LINGO2: variants seen among roughly 807,000 people sequenced by gnomAD.
LINGO2 encodes the protein leucine-rich repeat and immunoglobulin-like domain-containing nogo receptor-interacting protein 2.
In LINGO2, 14 loss-of-function variants were observed where a neutral mutation model predicts 30.6. The observed-to-expected ratio is 0.46, with a 90% CI of 0.30 to 0.72. The LOEUF (loss-of-function observed/expected upper bound fraction) is 0.72, where lower values mean the gene tolerates loss of function less well. Among genes scored for constraint, LINGO2 ranks in the 30% least tolerant of loss-of-function variants. The pLI is 0.07. For missense variants in LINGO2, 729 were observed against 751.7 expected (o/e 0.97, Z 0.35); for synonymous variants, 317 against 288.5 (o/e 1.10, Z -1.00).
At chr9:28,503,189 G>T (rs1203788400) in intron 1 of LINGO2, among the ~76,000 whole-genome samples, 3 of 151,954 alleles carry the variant, frequency 2.0e-5, no homozygotes, top group Admixed American at 2.0e-4. Context: ...CCACTATGAA[G>T]CAGCTCTGAT....
chr9:28,700,535 C>T, the LINGO2 span, among the ~76,000 whole-genome samples: 1 of 151,952 alleles, frequency 6.6e-6, no homozygotes, highest in Non-Finnish European at 1.5e-5. Context: ...CATCCATACA[C>T]TGAAGGACAT....
At chr9:28,275,220 C>A (rs865851998) in intron 4 of LINGO2, among the ~76,000 whole-genome samples, 1 of 152,084 alleles carries the variant, frequency 6.6e-6, no homozygotes, top group Non-Finnish European at 1.5e-5. Context: ...AGGCACCCGC[C>A]ACCACGCTTG....
chr9:28,633,762 C>G (rs1327733514), intron 1 of LINGO2, among the ~76,000 whole-genome samples: 1 of 152,202 alleles, frequency 6.6e-6, no homozygotes, highest in East Asian at 1.9e-4. Context: ...AGCCTAACAT[C>G]TCACCTAGGA....
chr9:28,915,017 A>C, the LINGO2 span, among the ~76,000 whole-genome samples: 1 of 152,216 alleles, frequency 6.6e-6, no homozygotes, highest in Non-Finnish European at 1.5e-5. Flanking sequence ...CTGTAGTCCC[A>C]GCTACTTGGG....
intron 3 of LINGO2, among the ~76,000 whole-genome samples, chr9:28,340,563 C>CA (rs936113825): frequency 1.3e-3 from 196 of 151,160 alleles, no homozygotes; most frequent in African/African-American, 3.8e-3. Context: ...AATCTATTAG[C>CA]AAAAAAAAGA....
the LINGO2 span, among the ~76,000 whole-genome samples, chr9:29,008,537 C>G: frequency 6.6e-6 from 1 of 152,124 alleles, no homozygotes; most frequent in Non-Finnish European, 1.5e-5. Context: ...CTTTACAGTC[C>G]CACCAACAAT....
chr9:28,412,069 T>G (rs775276093), intron 2 of LINGO2, among the ~76,000 whole-genome samples: 49 of 151,756 alleles, frequency 3.2e-4, no homozygotes, highest in Non-Finnish European at 6.3e-4. Context: ...ACCCAACAAG[T>G]AGTTTTTCAT....
chr9:28,632,122 T>C (rs532446073), intron 1 of LINGO2, among the ~76,000 whole-genome samples: 27 of 152,048 alleles, frequency 1.8e-4, no homozygotes, highest in Non-Finnish European at 3.7e-4. Flanking sequence ...GGTGTCTTAA[T>C]AGGAGTTAAT....
At chr9:29,026,328 T>C in the LINGO2 span, among the ~76,000 whole-genome samples, 2 of 152,136 alleles carry the variant, frequency 1.3e-5, no homozygotes, top group East Asian at 3.9e-4. Flanking sequence ...TTGACCATGA[T>C]GAGTTGCTTA....
the LINGO2 span, among the ~76,000 whole-genome samples, chr9:29,081,153 T>A: frequency 6.6e-6 from 1 of 152,060 alleles, no homozygotes; most frequent in South Asian, 2.1e-4. Context: ...ATATCCCTGA[T>A]GAACATCGAT....
At chr9:28,771,997 T>C in the LINGO2 span, among the ~76,000 whole-genome samples, 12 of 152,178 alleles carry the variant, frequency 7.9e-5, no homozygotes, top group Non-Finnish European at 1.8e-4. Context: ...ATCTACCCTG[T>C]TCACTACTTC....
intron 2 of LINGO2, among the ~76,000 whole-genome samples, chr9:28,419,809 T>A (rs1399114107): frequency 6.6e-6 from 1 of 151,456 alleles, no homozygotes; most frequent in African/African-American, 2.4e-5. Context: ...TATGTATAAT[T>A]TTATCGGTAA....
chr9:28,432,485 A>C (rs562014847), intron 2 of LINGO2, among the ~76,000 whole-genome samples: 2 of 152,008 alleles, frequency 1.3e-5, no homozygotes, highest in African/African-American at 2.4e-5. Context: ...AAAAATCAAA[A>C]GGCAAAACTT....
intron 1 of LINGO2, among the ~76,000 whole-genome samples, chr9:28,539,818 G>A (rs914679661): frequency 6.6e-6 from 1 of 152,124 alleles, no homozygotes; most frequent in Non-Finnish European, 1.5e-5. Flanking sequence ...ACATTCTTCA[G>A]TAGCATCTGG....
At chr9:28,558,012 G>C (rs1377093828) in intron 1 of LINGO2, among the ~76,000 whole-genome samples, 1 of 109,716 alleles carries the variant, frequency 9.1e-6, no homozygotes, top group East Asian at 3.4e-4. Context: ...GGGGGGAGGG[G>C]GGAGGGATAG....
intron 4 of LINGO2, among the ~76,000 whole-genome samples, chr9:28,108,167 G>A (rs760604325): frequency 4.2e-4 from 64 of 152,074 alleles, no homozygotes; most frequent in Admixed American, 1.4e-3. Context: ...AAGCTCTCTC[G>A]CAGCTACAAT....
intron 1 of LINGO2, among the ~76,000 whole-genome samples, chr9:28,581,678 G>A (rs1824265102): frequency 1.3e-5 from 2 of 151,576 alleles, no homozygotes; most frequent in Admixed American, 1.3e-4. Context: ...TGATTATAAT[G>A]TAAATATACA....
chr9:28,843,816 GT>G, the LINGO2 span, among the ~76,000 whole-genome samples: 1 of 151,766 alleles, frequency 6.6e-6, no homozygotes, highest in Admixed American at 6.5e-5. Flanking sequence ...GTTTCCTATT[GT>G]TTCCCTGAGC....
exon 6 of LINGO2, chr9:27,950,259 T>G: frequency 6.2e-7 from 1 of 1,614,068 alleles, no homozygotes; most frequent in South Asian, 1.1e-5. Context: ...AATCTTATTC[T>G]CACTAATGTC....
Sources: allele counts gnomAD v4.1 joint callset (sites outside exome capture counted in the v4.1 genomes callset), GRCh38; gene constraint gnomAD v4.1.1; transcripts MANE v1.5; gene names NCBI Gene and HGNC (gene_info 2026-07-23, HGNC 2026-07-21).